ANKS1B: variants seen among roughly 807,000 people sequenced by gnomAD.
The protein encoded by ANKS1B is ankyrin repeat and sterile alpha motif domain-containing protein 1B.
A neutral mutation model predicts 148.3 loss-of-function variants in ANKS1B; 36 were observed. The ratio of observed to expected loss-of-function variants is 0.24; its 90% CI spans 0.19 to 0.32. The LOEUF (loss-of-function observed/expected upper bound fraction) is 0.32. Ranked by LOEUF, ANKS1B falls within the 10% of genes least tolerant of loss-of-function variation. The probability of loss-of-function intolerance (pLI) is 1.00; values close to 1 mark genes in which losing one functional copy is unlikely to be tolerated. For missense variants in ANKS1B, 1,157 were observed against 1,542.6 expected (o/e 0.75, Z 4.19); for synonymous variants, 542 against 560.8 (o/e 0.97, Z 0.47).
At chr12:99,886,779 G>A (rs2092843244) in intron 1 of ANKS1B, among the ~76,000 whole-genome samples, 2 of 152,138 alleles carry the variant, frequency 1.3e-5, no homozygotes, top group Admixed American at 1.3e-4. Context: ...ATCTACATAT[G>A]AGTCTACTAA....
intron 12 of ANKS1B, among the ~76,000 whole-genome samples, chr12:99,331,776 G>A (rs763938615): frequency 1.3e-5 from 2 of 151,964 alleles, no homozygotes; most frequent in Non-Finnish European, 2.9e-5. Context: ...ATGAGGCAGA[G>A]ACTAAATTTA....
At chr12:99,883,656 G>A (rs1285533098) in intron 1 of ANKS1B, among the ~76,000 whole-genome samples, 2 of 152,124 alleles carry the variant, frequency 1.3e-5, no homozygotes, top group Admixed American at 6.5e-5. Flanking sequence ...AGTGGCTCAC[G>A]CCTGTAATCC....
chr12:98,771,998 A>T (rs1274817338), intron 25 of ANKS1B, among the ~76,000 whole-genome samples: 1 of 152,224 alleles, frequency 6.6e-6, no homozygotes, highest in African/African-American at 2.4e-5. Context: ...TTGGTGCCAG[A>T]GAAACAAAGG....
intron 1 of ANKS1B, among the ~76,000 whole-genome samples, chr12:99,914,668 T>C (rs1321045587): frequency 6.6e-6 from 1 of 152,036 alleles, no homozygotes; most frequent in Admixed American, 6.6e-5. Context: ...AGGTCTCCCA[T>C]CAGGGCTCTG....
At chr12:99,739,007 G>A (rs966424498) in intron 8 of ANKS1B, among the ~76,000 whole-genome samples, 1 of 151,908 alleles carries the variant, frequency 6.6e-6, no homozygotes, top group African/African-American at 2.4e-5. Flanking sequence ...CTAGTGGAAG[G>A]CCATCTTCCA....
intron 2 of ANKS1B, among the ~76,000 whole-genome samples, chr12:99,818,547 T>C (rs1429324707): frequency 6.6e-6 from 1 of 151,880 alleles, no homozygotes; most frequent in Non-Finnish European, 1.5e-5. Context: ...CCCTATGTCT[T>C]AAATGTAAAG....
chr12:99,222,432 C>T (rs530132716), intron 14 of ANKS1B, among the ~76,000 whole-genome samples: 20 of 152,126 alleles, frequency 1.3e-4, no homozygotes, highest in African/African-American at 4.1e-4. Context: ...CTGGATAATA[C>T]GGCAAAACCC....
intron 15 of ANKS1B, among the ~76,000 whole-genome samples, chr12:99,131,044 A>G (rs1450233380): frequency 1.3e-5 from 2 of 152,058 alleles, no homozygotes; most frequent in African/African-American, 4.8e-5. Flanking sequence ...CTTCTACTAT[A>G]TTGCCTTGTA....
In ANKS1B at chr12:99,600,418, T is replaced by G. The variant is rs572734022; in HGVS notation, c.1272+54649A>C. The stretch of plus-strand genomic sequence containing the variant: ...CATAACTGCAGGACTTTTATGCCGC[T>G]GCGAAGGGAAGAAAGAGATTATCAT... On this transcript the variant is annotated intron_variant, in intron 9 of 26. Coordinates refer to ENST00000683438, the MANE Select transcript of ANKS1B (RefSeq NM_001352186.2). Among the ~76,000 whole-genome samples, 5 of 152,086 alleles carry G rather than the reference T, an allele frequency of 3.3e-5. No homozygotes were observed. In the South Asian group the frequency reaches 1.0e-3, roughly 32 times the overall value.
intron 16 of ANKS1B, among the ~76,000 whole-genome samples, chr12:99,055,292 G>A (rs2099968850): frequency 6.6e-6 from 1 of 152,128 alleles, no homozygotes; most frequent in African/African-American, 2.4e-5. Context: ...AGAAAGAAAG[G>A]GAAGAAAGTG....
At chr12:99,779,201 A>G (rs944623501) in intron 6 of ANKS1B, among the ~76,000 whole-genome samples, 3 of 152,254 alleles carry the variant, frequency 2.0e-5, no homozygotes, top group African/African-American at 7.2e-5. Flanking sequence ...CAAACTTTCA[A>G]TAGAGCTAAT....
At chr12:99,909,066 C>T (rs973094366) in intron 1 of ANKS1B, among the ~76,000 whole-genome samples, 1 of 147,050 alleles carries the variant, frequency 6.8e-6, no homozygotes, top group African/African-American at 2.5e-5. Context: ...TCTATATATT[C>T]AACTTTTTTT....
At chr12:99,362,514 T>C (rs2092543768) in intron 12 of ANKS1B, among the ~76,000 whole-genome samples, 1 of 151,978 alleles carries the variant, frequency 6.6e-6, no homozygotes, top group Non-Finnish European at 1.5e-5. Flanking sequence ...ATGGAAGAGA[T>C]GAAAAAGTCC....
chr12:99,278,939 CA>C (rs944576766), intron 12 of ANKS1B, among the ~76,000 whole-genome samples: 5 of 152,074 alleles, frequency 3.3e-5, no homozygotes. Context: ...TTATTGCACC[CA>C]AAATGTAGCA....
At chr12:99,643,311 G>A (rs2153423721) in intron 9 of ANKS1B, among the ~76,000 whole-genome samples, 1 of 152,302 alleles carries the variant, frequency 6.6e-6, no homozygotes, top group Non-Finnish European at 1.5e-5. Flanking sequence ...AGACGCATCT[G>A]TGAATCTGTG....
chr12:99,192,014 C>A (rs1341655456), intron 14 of ANKS1B, among the ~76,000 whole-genome samples: 1 of 151,426 alleles, frequency 6.6e-6, no homozygotes, highest in Admixed American at 6.6e-5. Context: ...CAACTGTAAC[C>A]CCAGCTACTC....
intron 1 of ANKS1B, among the ~76,000 whole-genome samples, chr12:99,943,383 C>T (rs1488733): frequency 0.63 from 95,334 of 152,046 alleles, 31,441 homozygotes; most frequent in African/African-American, 0.77. Context: ...AGAGACTGTG[C>T]CCTTTCTCCA....
intron 17 of ANKS1B, among the ~76,000 whole-genome samples, chr12:98,992,224 ATTG>A (rs1375904862): frequency 1.3e-5 from 2 of 152,214 alleles, no homozygotes; most frequent in African/African-American, 2.4e-5. Flanking sequence ...GGCTTTTACA[ATTG>A]TTGTGTCTTC....
chr12:99,414,845 A>G (rs1042585993), intron 11 of ANKS1B, among the ~76,000 whole-genome samples: 3 of 152,238 alleles, frequency 2.0e-5, no homozygotes, highest in Non-Finnish European at 4.4e-5. Flanking sequence ...TGCCCTTTTC[A>G]GGGCAACTTG....
Sources: gnomAD v4.1 joint callset for allele counts (sites outside exome capture counted in the v4.1 genomes callset) on GRCh38, gnomAD v4.1.1 for gene constraint, MANE v1.5 for transcripts, NCBI Gene and HGNC (gene_info 2026-07-23, HGNC 2026-07-21) for gene names.